The following GDA variants were observed in gnomAD, a reference collection of about 807,000 sequenced individuals.
GDA encodes guanine deaminase.
In GDA, 18 loss-of-function variants were observed where a neutral mutation model predicts 59.6. The ratio of observed to expected loss-of-function variants is 0.30; its 90% CI spans 0.21 to 0.45. The LOEUF (loss-of-function observed/expected upper bound fraction) is 0.45, where lower values mean the gene tolerates loss of function less well. Among genes scored for constraint, GDA ranks in the 20% least tolerant of loss-of-function variants. The pLI is 1.00. For synonymous variants in GDA, 201 were observed against 201.1 expected (o/e 1.00, Z 0.00); for missense variants, 427 against 552.3 (o/e 0.77, Z 2.27).
At position 72,177,123 on chromosome 9, in the gene GDA, G is replaced by C. The variant is rs1477014244; in HGVS notation, c.124-18377G>C. On this transcript the variant is annotated intron_variant, in intron 1 of 13. Transcript: ENST00000358399. ...TTTTTTTTTTTTTTTTTTTGAGATG[G>C]AGTCTTGCACTGTTGCCTGGGCTGG... Among the ~76,000 whole-genome samples, 10 of 129,288 alleles carry C rather than the reference G, an allele frequency of 7.7e-5. No individual in the cohort carries two copies. The East Asian group carries it at 1.8e-3, about 23-fold the overall frequency. 84.8% of individuals were successfully genotyped at this position (129,288 alleles called of 152,430 possible). A position where few individuals can be genotyped will look rare whatever the true frequency, so the allele number is the denominator to read the frequency against.
intron 11 of GDA, 145 bp downstream of exon 11, chr9:72,241,443 C>A: frequency 3.6e-6 from 2 of 556,368 alleles, no homozygotes; most frequent in Non-Finnish European, 6.2e-6. Flanking sequence ...CAGAACTCAG[C>A]CAGTAAAGTG....
At chr9:72,136,786 T>C (rs1231838507) in intron 1 of GDA, among the ~76,000 whole-genome samples, 1 of 152,124 alleles carries the variant, frequency 6.6e-6, no homozygotes, top group Non-Finnish European at 1.5e-5. Context: ...CCATCCTGGC[T>C]AACACAGTGA....
chr9:72,148,309 A>ATGTGTG (rs58161772), upstream of GDA, among the ~76,000 whole-genome samples: 2 of 145,850 alleles, frequency 1.4e-5, no homozygotes, highest in African/African-American at 5.1e-5. Context: ...TGGTGTGTGT[A>ATGTGTG]TGTGTGTGTG....
At chr9:72,178,738 G>A (rs927280643) in intron 1 of GDA, among the ~76,000 whole-genome samples, 1 of 152,046 alleles carries the variant, frequency 6.6e-6, no homozygotes, top group Non-Finnish European at 1.5e-5. Flanking sequence ...TTTTATGGGC[G>A]ACTGTTCTGT....
intron 1 of GDA, among the ~76,000 whole-genome samples, chr9:72,163,227 T>C (rs1460044792): frequency 6.6e-6 from 1 of 152,150 alleles, no homozygotes; most frequent in Non-Finnish European, 1.5e-5. Flanking sequence ...TGGATGGATA[T>C]GGTGGCTGTC....
chr9:72,240,109 G>A (rs986466815), intron 10 of GDA, among the ~76,000 whole-genome samples: 24 of 152,180 alleles, frequency 1.6e-4, no homozygotes, highest in Middle Eastern at 3.4e-3. Flanking sequence ...GTTAAAGGTA[G>A]TATTTCATTT....
At chr9:72,145,920 A>G (rs748710571), upstream of GDA, among the ~76,000 whole-genome samples, 1 of 152,212 alleles carries the variant, frequency 6.6e-6, no homozygotes, top group African/African-American at 2.4e-5. Context: ...CTGCAATTCA[A>G]TATTCATATA....
chr9:72,126,787 G>T (rs377122207), intron 1 of GDA, among the ~76,000 whole-genome samples: 1 of 151,902 alleles, frequency 6.6e-6, no homozygotes, highest in African/African-American at 2.4e-5. Context: ...GGCTGGTCTT[G>T]AGCGCCTGAC....
chr9:72,132,617 A>T (rs1826065493), intron 1 of GDA, among the ~76,000 whole-genome samples: 1 of 152,186 alleles, frequency 6.6e-6, no homozygotes, highest in Non-Finnish European at 1.5e-5. Flanking sequence ...AGTCAAGAGG[A>T]TGCTGTTGGT....
intron 10 of GDA, among the ~76,000 whole-genome samples, chr9:72,237,775 C>T (rs1242808977): frequency 1.3e-5 from 2 of 152,100 alleles, no homozygotes; most frequent in Non-Finnish European, 2.9e-5. Context: ...TAACTGGAAA[C>T]TTGATCATTA....
intron 1 of GDA, among the ~76,000 whole-genome samples, chr9:72,139,970 C>T (rs566460806): frequency 1.3e-5 from 2 of 152,192 alleles, no homozygotes; most frequent in South Asian, 4.2e-4. Context: ...CTAATAAAAA[C>T]CTGCTGTTTT....
At chr9:72,205,540 C>G (rs1307930357) in intron 3 of GDA, among the ~76,000 whole-genome samples, 1 of 152,172 alleles carries the variant, frequency 6.6e-6, no homozygotes, top group Non-Finnish European at 1.5e-5. Context: ...GGACTCTGCC[C>G]AGCAAGGTGG....
At chr9:72,202,532 G>T in intron 2 of GDA, 39 bp from the exon 3 acceptor site, 1 of 1,312,800 alleles carries the variant, frequency 7.6e-7, no homozygotes, top group South Asian at 1.3e-5. Flanking sequence ...AATGACTGAA[G>T]ATATTATTAA....
At chr9:72,213,617 C>T (rs1202810182) in intron 4 of GDA, among the ~76,000 whole-genome samples, 2 of 151,762 alleles carry the variant, frequency 1.3e-5, no homozygotes, top group Admixed American at 6.6e-5. Flanking sequence ...TCTTGGCTAA[C>T]ACGGTGAAAC....
chr9:72,205,110 CAAAA>C (rs71357549), intron 3 of GDA, among the ~76,000 whole-genome samples: 155 of 86,142 alleles, frequency 1.8e-3, no homozygotes, highest in African/African-American at 6.1e-3. Context: ...GACTCTGTCT[CAAAA>C]AAAAAAAAAA....
chr9:72,238,429 T>C (rs1336562420), intron 10 of GDA, among the ~76,000 whole-genome samples: 1 of 152,218 alleles, frequency 6.6e-6, no homozygotes, highest in Non-Finnish European at 1.5e-5. Flanking sequence ...AATATATGTC[T>C]GTTTATATGA....
At position 72,150,005 on chromosome 9, in the gene GDA, C is replaced by T. The variant is rs532646688; in HGVS notation, c.123+323C>T. On this transcript the variant is annotated intron_variant, in intron 1 of 13. Coordinates refer to ENST00000358399, the MANE Select transcript of GDA (RefSeq NM_004293.5). ...GCCCCCCGTTCCAATCCTAAGATAC[C>T]GGCAATAATCTTCAATCTTGCTTAA... Among the ~76,000 whole-genome samples the T allele has an allele frequency of 6.0e-4, 92 of 152,194 alleles. 1 individual carries two copies. The highest frequency in any genetic ancestry group is 2.1e-3 in the African/African-American group (88 of 41,534).
intron 5 of GDA, among the ~76,000 whole-genome samples, chr9:72,216,766 C>T (rs1301977717): frequency 6.6e-6 from 1 of 151,950 alleles, no homozygotes; most frequent in Non-Finnish European, 1.5e-5. Context: ...AGCTCTGCCT[C>T]ACAGGTTCAT....
chr9:72,208,897 A>G (rs1364482622), intron 3 of GDA, among the ~76,000 whole-genome samples: 1 of 152,090 alleles, frequency 6.6e-6, no homozygotes, highest in African/African-American at 2.4e-5. Context: ...CCCTTAGAAA[A>G]TTTTCTAAAG....
Sources: allele counts gnomAD v4.1 joint callset (sites outside exome capture counted in the v4.1 genomes callset), GRCh38; gene constraint gnomAD v4.1.1; transcripts MANE v1.5; gene names NCBI Gene and HGNC (gene_info 2026-07-23, HGNC 2026-07-21).